AGBL4: variants seen among roughly 807,000 people sequenced by gnomAD.
AGBL4 encodes cytosolic carboxypeptidase 6.
AGBL4 carries 58 observed loss-of-function variants against 66.4 expected under a neutral mutation model. That is an observed-to-expected ratio of 0.87 (90% CI 0.71 to 1.09). The LOEUF (loss-of-function observed/expected upper bound fraction) is 1.09. AGBL4 is among the 50% of genes least tolerant of loss of function. The pLI is 0.00. For synonymous variants in AGBL4, 234 were observed against 222.9 expected, an observed-to-expected ratio of 1.05 and a Z score of -0.44; for missense variants, 579 against 631.0, an observed-to-expected ratio of 0.92 and a Z score of 0.88.
chr1:49,695,125 T>C (rs1646959609), intron 3 of AGBL4, among the ~76,000 whole-genome samples: 1 of 151,956 alleles, frequency 6.6e-6, no homozygotes, highest in East Asian at 1.9e-4. Flanking sequence ...CTGAGGGATG[T>C]GCTATGAAAA....
chr1:48,987,111 A>G (rs1417057573), intron 5 of AGBL4, among the ~76,000 whole-genome samples: 1 of 151,958 alleles, frequency 6.6e-6, no homozygotes, highest in Non-Finnish European at 1.5e-5. Flanking sequence ...AAACATATTC[A>G]AAGAATACTC....
chr1:49,677,466 T>C (rs1194309669), intron 3 of AGBL4, among the ~76,000 whole-genome samples: 1 of 152,126 alleles, frequency 6.6e-6, no homozygotes, highest in Non-Finnish European at 1.5e-5. Context: ...TCTTGGTATA[T>C]AATTCTTTTT....
rs1645542046 is a variant in AGBL4, at chr1:49,827,491, A to G, written c.157+23905T>C. 2.0e-5 allele frequency among the ~76,000 whole-genome samples: 3 copies of G among 152,206 alleles called. No homozygotes were observed. In the South Asian group the frequency reaches 6.2e-4, roughly 32 times the overall value. Reference sequence around the variant, plus strand: ...TGTCCATTTTAAAATATCAATACACATCTAGATACAGACACAATCGGATAG... The same window carrying G: ...TGTCCATTTTAAAATATCAATACACGTCTAGATACAGACACAATCGGATAG... On this transcript the variant is annotated intron_variant, in intron 2 of 13. Coordinates refer to ENST00000371839, the MANE Select transcript of AGBL4 (RefSeq NM_032785.4).
At chr1:49,002,686 C>T (rs1365690421) in intron 5 of AGBL4, among the ~76,000 whole-genome samples, 1 of 152,092 alleles carries the variant, frequency 6.6e-6, no homozygotes, top group Non-Finnish European at 1.5e-5. Flanking sequence ...TGCAGTCTTC[C>T]TTAAGAGCAA....
chr1:49,053,372 A>G (rs1183378087), intron 4 of AGBL4, among the ~76,000 whole-genome samples: 1 of 152,176 alleles, frequency 6.6e-6, no homozygotes, highest in Non-Finnish European at 1.5e-5. Context: ...GTGTGTCTGG[A>G]TACAGGAAGG....
chr1:49,746,214 T>A (rs1411346150), intron 2 of AGBL4, among the ~76,000 whole-genome samples: 1 of 151,966 alleles, frequency 6.6e-6, no homozygotes, highest in Non-Finnish European at 1.5e-5. Flanking sequence ...TTTTACATTA[T>A]TTAATTACGT....
At chr1:49,378,826 T>C (rs1391443036) in intron 3 of AGBL4, among the ~76,000 whole-genome samples, 2 of 152,104 alleles carry the variant, frequency 1.3e-5, no homozygotes, top group African/African-American at 2.4e-5. Flanking sequence ...GTAGTAATGG[T>C]CCAGCTCTAT....
intron 4 of AGBL4, among the ~76,000 whole-genome samples, chr1:49,189,883 A>C (rs1488659768): frequency 6.6e-6 from 1 of 152,226 alleles, no homozygotes; most frequent in Non-Finnish European, 1.5e-5. Context: ...TTAAGGGATA[A>C]AATCAATGTT....
At chr1:49,339,881 G>A (rs940517446) in intron 3 of AGBL4, among the ~76,000 whole-genome samples, 2 of 152,148 alleles carry the variant, frequency 1.3e-5, no homozygotes, top group African/African-American at 2.4e-5. Flanking sequence ...TCATCAAAGA[G>A]AAGTTTCCTC....
At chr1:48,849,130 C>T (rs1646979017) in intron 6 of AGBL4, among the ~76,000 whole-genome samples, 1 of 152,196 alleles carries the variant, frequency 6.6e-6, no homozygotes, top group African/African-American at 2.4e-5. Flanking sequence ...CTTCAGACTT[C>T]AGGCTGGTGG....
chr1:49,866,475 A>G lies in AGBL4; in HGVS notation c.35-14957T>C, dbSNP rs371951668. On this transcript the variant is annotated intron_variant, in intron 1 of 13. Coordinates refer to ENST00000371839, the MANE Select transcript of AGBL4 (RefSeq NM_032785.4). ...CAATATTCACACTTTTTAAAAAAAG[A>G]CTTTCTGGCTGGGCACGGTGGCTCA... Among the ~76,000 whole-genome samples, 5 of 152,158 alleles carry G rather than the reference A, an allele frequency of 3.3e-5. No homozygotes were observed. In the East Asian group the frequency reaches 7.7e-4, roughly 23 times the overall value.
chr1:49,820,323 C>T (rs1645336572), intron 2 of AGBL4, among the ~76,000 whole-genome samples: 2 of 152,006 alleles, frequency 1.3e-5, no homozygotes, highest in South Asian at 4.1e-4. Flanking sequence ...AAACGAGGAC[C>T]CACACCCTAG....
intron 2 of AGBL4, among the ~76,000 whole-genome samples, chr1:49,773,815 A>G (rs1644126522): frequency 6.6e-6 from 1 of 152,188 alleles, no homozygotes; most frequent in Non-Finnish European, 1.5e-5. Context: ...ATGGGTGCAC[A>G]CAGGCCCAGC....
chr1:49,887,788 G>A (rs905513190), intron 1 of AGBL4, among the ~76,000 whole-genome samples: 11 of 152,160 alleles, frequency 7.2e-5, no homozygotes, highest in South Asian at 2.1e-4. Flanking sequence ...ATGGCGTACC[G>A]AACAATTAGT....
At chr1:48,687,067 G>A (rs1468010529) in intron 6 of AGBL4, among the ~76,000 whole-genome samples, 1 of 151,960 alleles carries the variant, frequency 6.6e-6, no homozygotes, top group Non-Finnish European at 1.5e-5. Flanking sequence ...GGCAGGGGGT[G>A]GGGCAGCGGG....
chr1:48,741,837 C>G (rs1427271022), intron 6 of AGBL4, among the ~76,000 whole-genome samples: 1 of 152,192 alleles, frequency 6.6e-6, no homozygotes, highest in Non-Finnish European at 1.5e-5. Context: ...GAACATAACG[C>G]TAAAGCTGAA....
intron 1 of AGBL4, among the ~76,000 whole-genome samples, chr1:49,909,990 G>C (rs948461326): frequency 2.6e-5 from 4 of 152,138 alleles, no homozygotes; most frequent in African/African-American, 9.7e-5. Flanking sequence ...TAAGTTGAGA[G>C]TTTCATACAC....
chr1:49,376,872 G>A (rs567174819), intron 3 of AGBL4, among the ~76,000 whole-genome samples: 97 of 152,136 alleles, frequency 6.4e-4, no homozygotes, highest in Non-Finnish European at 1.1e-3. Flanking sequence ...AAAGGACCTC[G>A]CCCATATTGT....
chr1:49,702,838 C>G (rs1647125288), intron 2 of AGBL4, among the ~76,000 whole-genome samples: 1 of 151,756 alleles, frequency 6.6e-6, no homozygotes, highest in Non-Finnish European at 1.5e-5. Context: ...AAATAAAGAC[C>G]AAAAACACAA....
Sources: gnomAD v4.1 joint callset for allele counts (sites outside exome capture counted in the v4.1 genomes callset) on GRCh38, gnomAD v4.1.1 for gene constraint, MANE v1.5 for transcripts, NCBI Gene and HGNC (gene_info 2026-07-23, HGNC 2026-07-21) for gene names.